Variants in CPXM2 observed in about 807,000 individuals in gnomAD.
CPXM2 encodes carboxypeptidase X, M14 family member 2.
CPXM2 carries 66 observed loss-of-function variants against 86.1 expected under a neutral mutation model. That is an observed-to-expected ratio of 0.77 (90% CI 0.63 to 0.94). The LOEUF (loss-of-function observed/expected upper bound fraction) is 0.94. Among genes scored for constraint, CPXM2 ranks in the 40% least tolerant of loss-of-function variants. The pLI is 0.00. For missense variants in CPXM2, 948 were observed against 1,026.3 expected (o/e 0.92, Z 1.04); for synonymous variants, 388 against 400.2 (o/e 0.97, Z 0.36).
intron 7 of CPXM2, among the ~76,000 whole-genome samples, chr10:123,775,807 C>T (rs1015517329): frequency 6.6e-6 from 1 of 152,194 alleles, no homozygotes; most frequent in Non-Finnish European, 1.5e-5. Flanking sequence ...CTCTGCAATG[C>T]CAGGAAGCAT....
chr10:123,816,827 C>T (rs1847823329), intron 4 of CPXM2, among the ~76,000 whole-genome samples: 1 of 152,240 alleles, frequency 6.6e-6, no homozygotes, highest in African/African-American at 2.4e-5. Flanking sequence ...ATCTTGATCG[C>T]TTTTCACTTC....
rs1945268263 is a variant in CPXM2, at chr10:123,891,417, C to T, written c.243G>A (p.Arg81=). Residue 81 remains arginine (R), a synonymous_variant, in exon 1 of 14, where the codon AGG becomes AGA. Transcript: ENST00000241305. This position sits in a 1 kb window ranked among gnomAD's most constrained non-coding sequence, Gnocchi z 5.6. The part of the protein sequence containing the change: ...RRPQEPRPPK[R]ATKPKKAPKR... The stretch of plus-strand genomic sequence containing the variant: ...TGGGAGCTTTCTTGGGCTTGGTGGC[C>T]CTCTTGGGCGGCCTGGGCTCCTGCG... 1 of 1,562,490 alleles carries T rather than the reference C, an allele frequency of 6.4e-7. No individual in the cohort carries two copies. The highest frequency in any genetic ancestry group is 8.7e-7 in the Non-Finnish European group (1 of 1,153,244).
At chr10:123,807,050 G>A (rs1847594644) in intron 4 of CPXM2, among the ~76,000 whole-genome samples, 1 of 152,214 alleles carries the variant, frequency 6.6e-6, no homozygotes, top group Non-Finnish European at 1.5e-5. Flanking sequence ...CTTGTATAGT[G>A]AGTAGGGATT....
At chr10:123,913,882 C>T (rs774389253) in intron 2 of CPXM2, 8 of 407,074 alleles carry the variant, frequency 2.0e-5, no homozygotes, top group Non-Finnish European at 4.0e-5. Context: ...GAGGCACCCC[C>T]CTCCCAGGCT....
intron 10 of CPXM2, among the ~76,000 whole-genome samples, chr10:123,766,025 G>A (rs913727088): frequency 1.3e-5 from 2 of 152,234 alleles, no homozygotes; most frequent in African/African-American, 4.8e-5. Context: ...ATTCTGGCAG[G>A]TGAGAGTTAA....
chr10:123,789,840 C>T (rs949468488), intron 6 of CPXM2, among the ~76,000 whole-genome samples: 4 of 151,610 alleles, frequency 2.6e-5, no homozygotes, highest in African/African-American at 7.3e-5. Context: ...CAGGGGTGGC[C>T]GGGTGCGGTG....
chr10:123,855,899 C>T (rs1017303632), intron 3 of CPXM2, among the ~76,000 whole-genome samples: 4 of 152,138 alleles, frequency 2.6e-5, no homozygotes, highest in African/African-American at 7.2e-5. Context: ...TTATTATGGC[C>T]AGACGTTTCC....
chr10:123,907,840 G>GA (rs1443791124), intron 2 of CPXM2, among the ~76,000 whole-genome samples: 1 of 151,948 alleles, frequency 6.6e-6, no homozygotes, highest in African/African-American at 2.4e-5. Context: ...GGACTAGGGG[G>GA]ATTGTGCTAA....
At chr10:123,759,581 A>G (rs569304046) in intron 11 of CPXM2, among the ~76,000 whole-genome samples, 1 of 152,330 alleles carries the variant, frequency 6.6e-6, no homozygotes, top group South Asian at 2.1e-4. Flanking sequence ...TCCTGTCTGA[A>G]GTGTGTGAAC....
chr10:123,869,330 C>T (rs188820037), intron 2 of CPXM2, among the ~76,000 whole-genome samples: 19 of 152,286 alleles, frequency 1.2e-4, no homozygotes, highest in East Asian at 5.8e-4. Context: ...AGCCTCAAGA[C>T]GAGCTCCCCA....
intron 4 of CPXM2, among the ~76,000 whole-genome samples, chr10:123,799,718 T>C (rs1847412533): frequency 1.3e-5 from 2 of 152,212 alleles, no homozygotes; most frequent in Non-Finnish European, 2.9e-5. Flanking sequence ...AGTTTCTCCT[T>C]GGCTGTCACA....
intron 3 of CPXM2, among the ~76,000 whole-genome samples, chr10:123,857,430 C>T (rs954535682): frequency 2.0e-5 from 3 of 151,962 alleles, no homozygotes; most frequent in Non-Finnish European, 4.4e-5. Flanking sequence ...TTTAAAAACA[C>T]ATTAGCACAA....
intron 1 of CPXM2, among the ~76,000 whole-genome samples, chr10:123,886,010 G>A (rs1313763927): frequency 1.3e-5 from 2 of 152,214 alleles, no homozygotes; most frequent in Non-Finnish European, 2.9e-5. Flanking sequence ...CAGGCAAGAG[G>A]AAATTTGCCA....
chr10:123,916,880 C>T (rs1266387606), intron 2 of CPXM2, among the ~76,000 whole-genome samples: 3 of 151,930 alleles, frequency 2.0e-5, no homozygotes, highest in Non-Finnish European at 4.4e-5. Flanking sequence ...TGAGTTCAAG[C>T]GATCCTCCTG....
chr10:123,775,207 C>A (rs969782701), intron 7 of CPXM2, among the ~76,000 whole-genome samples: 4 of 152,208 alleles, frequency 2.6e-5, no homozygotes, highest in Non-Finnish European at 5.9e-5. Flanking sequence ...ATTTGCTGCA[C>A]ACTGTGACCA....
chr10:123,869,083 T>C lies in CPXM2; in HGVS notation c.404-6360A>G, dbSNP rs890161838. On this transcript the variant is annotated intron_variant, in intron 2 of 13. Coordinates refer to ENST00000241305, the MANE Select transcript of CPXM2 (RefSeq NM_198148.3). ...GAGAAGCAAGGTTTCAAAGCTTAAT[T>C]TAAATATCTGTAATCAGAGATTTTA... Among the ~76,000 whole-genome samples the C allele has an allele frequency of 3.9e-5, 6 of 152,220 alleles. 1 individual carries two copies. Among genetic ancestry groups the C allele is most frequent in the African/African-American group, 1.4e-4 (6 of 41,458 alleles).
chr10:123,825,646 A>AACATCAC (rs767376989), intron 4 of CPXM2, among the ~76,000 whole-genome samples: 12 of 152,146 alleles, frequency 7.9e-5, no homozygotes, highest in Non-Finnish European at 1.6e-4. Context: ...TGTCTCCATA[A>AACATCAC]GCATCACACA....
intron 4 of CPXM2, among the ~76,000 whole-genome samples, chr10:123,804,339 G>A (rs1847532803): frequency 6.6e-6 from 1 of 151,994 alleles, no homozygotes; most frequent in African/African-American, 2.4e-5. Flanking sequence ...CAATTTTGGG[G>A]GAACTGACCT....
intron 2 of CPXM2, among the ~76,000 whole-genome samples, chr10:123,916,753 C>T (rs997875194): frequency 6.6e-6 from 1 of 151,518 alleles, no homozygotes; most frequent in Non-Finnish European, 1.5e-5. Context: ...AAGCCACCTT[C>T]TGCCATTTGA....
Sources: gnomAD v4.1 joint callset for allele counts (sites outside exome capture counted in the v4.1 genomes callset) on GRCh38, gnomAD v4.1.1 for gene constraint, Gnocchi (gnomAD v3.1) non-coding constraint, MANE v1.5 for transcripts, NCBI Gene and HGNC (gene_info 2026-07-23, HGNC 2026-07-21) for gene names.